The following SDK1 variants were observed in gnomAD, a reference collection of about 807,000 sequenced individuals.
SDK1 encodes protein sidekick-1.
A neutral mutation model predicts 245.5 loss-of-function variants in SDK1; 157 were observed. That is an observed-to-expected ratio of 0.64 (90% CI 0.56 to 0.73). The LOEUF (loss-of-function observed/expected upper bound fraction) is 0.73. Ranked by LOEUF, SDK1 falls within the 30% of genes least tolerant of loss-of-function variation. The probability of loss-of-function intolerance (pLI) is 0.00; values close to 1 mark genes in which losing one functional copy is unlikely to be tolerated. For missense variants in SDK1, 3,583 were observed against 3,002.3 expected (o/e 1.19, Z -4.52); for synonymous variants, 1,647 against 1,278.5 (o/e 1.29, Z -6.15).
chr7:3,362,504 A>G (rs540085108), intron 1 of SDK1, among the ~76,000 whole-genome samples: 18 of 152,286 alleles, frequency 1.2e-4, no homozygotes, highest in South Asian at 4.1e-4. Context: ...AGGAATGCCA[A>G]TTTTGCATAT....
chr7:3,636,434 A>G (rs1050606149), intron 2 of SDK1, among the ~76,000 whole-genome samples: 1 of 152,068 alleles, frequency 6.6e-6, no homozygotes, highest in Non-Finnish European at 1.5e-5. Context: ...ACTATTTTAC[A>G]TTCCTCTTAT....
intron 1 of SDK1, among the ~76,000 whole-genome samples, chr7:3,411,498 AC>A (rs1384815095): frequency 1.3e-5 from 2 of 152,148 alleles, no homozygotes; most frequent in Non-Finnish European, 2.9e-5. Flanking sequence ...TTCATGTTTT[AC>A]CAATAGAGTA....
At chr7:3,545,107 C>T (rs1779175607) in intron 1 of SDK1, among the ~76,000 whole-genome samples, 2 of 152,120 alleles carry the variant, frequency 1.3e-5, no homozygotes, top group South Asian at 2.1e-4. Flanking sequence ...ATTGGCACCA[C>T]ATGTTACAGA....
intron 22 of SDK1, among the ~76,000 whole-genome samples, chr7:4,090,086 C>T (rs1265572544): frequency 3.3e-5 from 5 of 152,216 alleles, no homozygotes. Context: ...TGGGCACCTC[C>T]TGCTACACCT....
chr7:3,821,771 G>A (rs767505001), intron 5 of SDK1, among the ~76,000 whole-genome samples, 188 bp downstream of exon 5: 1 of 151,790 alleles, frequency 6.6e-6, no homozygotes, highest in Admixed American at 6.6e-5. Context: ...AATGATATGC[G>A]GAAAAATGTG....
At chr7:3,632,026 G>T (rs1374019278) in intron 2 of SDK1, among the ~76,000 whole-genome samples, 1 of 151,972 alleles carries the variant, frequency 6.6e-6, no homozygotes, top group African/African-American at 2.4e-5. Context: ...TGATATAATG[G>T]TCCCCAACTT....
chr7:3,348,547 A>G (rs771401430), intron 1 of SDK1, among the ~76,000 whole-genome samples: 6 of 152,162 alleles, frequency 3.9e-5, no homozygotes, highest in Non-Finnish European at 7.3e-5. Flanking sequence ...TGAGACTACT[A>G]GAGCGGGAGG....
chr7:4,136,278 G>A (rs945125385), intron 28 of SDK1, among the ~76,000 whole-genome samples: 6 of 152,264 alleles, frequency 3.9e-5, no homozygotes, highest in African/African-American at 7.2e-5. Context: ...CACACCACAC[G>A]GCGGAGGCTG....
intron 17 of SDK1, among the ~76,000 whole-genome samples, chr7:4,021,986 C>G (rs759016652): frequency 6.6e-6 from 1 of 152,202 alleles, no homozygotes; most frequent in Non-Finnish European, 1.5e-5. Flanking sequence ...GCCCCCAGCT[C>G]CATGGGGCTG....
At chr7:3,323,743 C>A (rs980736558) in intron 1 of SDK1, among the ~76,000 whole-genome samples, 10 of 152,198 alleles carry the variant, frequency 6.6e-5, no homozygotes, top group African/African-American at 2.4e-4. Context: ...TCCCTGCCTT[C>A]AGGTTAAATG....
At chr7:4,204,104 C>CG (rs1218301101) in intron 35 of SDK1, among the ~76,000 whole-genome samples, 5 of 152,224 alleles carry the variant, frequency 3.3e-5, no homozygotes, top group African/African-American at 1.2e-4. Context: ...GGGGCTGTCG[C>CG]GGGGGGAGGG....
At position 4,170,789 on chromosome 7, in the gene SDK1, C is replaced by T. The variant is rs931104309; in HGVS notation, c.4801-3433C>T. ...AGGAGACTGTCTGACATGCCCAGCC[C>T]TAAGGGATGGGGTGCAGAGCAGGAC... On this transcript the variant is annotated intron_variant, in intron 32 of 44. Transcript: ENST00000404826. 7.9e-5 allele frequency among the ~76,000 whole-genome samples: 12 copies of T among 152,134 alleles called. 1 individual carries two copies. The highest frequency in any genetic ancestry group is 7.9e-4 in the Admixed American group (12 of 15,274).
At chr7:3,785,385 T>C (rs1347091083) in intron 4 of SDK1, among the ~76,000 whole-genome samples, 1 of 152,220 alleles carries the variant, frequency 6.6e-6, no homozygotes, top group Non-Finnish European at 1.5e-5. Flanking sequence ...AGCTGATGGA[T>C]ATGTTAACGA....
chr7:3,374,701 G>A (rs557311334), intron 1 of SDK1, among the ~76,000 whole-genome samples: 2 of 151,846 alleles, frequency 1.3e-5, no homozygotes, highest in Non-Finnish European at 2.9e-5. Flanking sequence ...TGCTCCTCCA[G>A]TCCCCACTAC....
Position 3,452,562 on chromosome 7 carries a change from G to A in SDK1, c.298+150678G>A, listed in dbSNP as rs542372781. 9.9e-5 allele frequency among the ~76,000 whole-genome samples: 15 copies of A among 152,226 alleles called. No homozygotes were observed. The South Asian group carries it at 2.9e-3, about 29-fold the overall frequency. On this transcript the variant is annotated intron_variant, in intron 1 of 44. Coordinates refer to ENST00000404826, the MANE Select transcript of SDK1 (RefSeq NM_152744.4). ...TACTAATAAAATGTCACATTGAGAG[G>A]ACTTAATTTTGTGTACACTTTCATA...
intron 19 of SDK1, among the ~76,000 whole-genome samples, chr7:4,065,694 G>GTTTTTTTTTTTTTTTTTTTT (rs749991713): frequency 1.5e-5 from 1 of 66,720 alleles, no homozygotes; most frequent in Non-Finnish European, 3.7e-5. Flanking sequence ...AGTGGTTGTT[G>GTTTTTTTTTTTTTTTTTTTT]TTTTTTTTTT....
intron 35 of SDK1, among the ~76,000 whole-genome samples, chr7:4,181,534 A>G (rs1045822771): frequency 6.6e-6 from 1 of 151,142 alleles, no homozygotes; most frequent in South Asian, 2.1e-4. Context: ...TCCCTTCCCC[A>G]CTGGGCCCCC....
At chr7:4,035,001 C>T (rs28522046) in intron 17 of SDK1, among the ~76,000 whole-genome samples, 2,563 of 152,208 alleles carry the variant, frequency 0.017, 71 homozygotes, top group African/African-American at 0.059. Context: ...TTTTTGGAGA[C>T]GGAGTCTTGC....
intron 4 of SDK1, among the ~76,000 whole-genome samples, chr7:3,760,805 G>A (rs772877270): frequency 9.9e-5 from 15 of 152,188 alleles, no homozygotes; most frequent in Non-Finnish European, 1.6e-4. Flanking sequence ...CATACGGCAC[G>A]TAGCCATCTG....
Sources: gnomAD v4.1 joint callset for allele counts (sites outside exome capture counted in the v4.1 genomes callset) on GRCh38, gnomAD v4.1.1 for gene constraint, MANE v1.5 for transcripts, NCBI Gene and HGNC (gene_info 2026-07-23, HGNC 2026-07-21) for gene names.